Variants in ZNF69 observed in about 807,000 individuals in gnomAD.
ZNF69 encodes the protein ZNF3.
In ZNF69, 47 loss-of-function variants were observed where a neutral mutation model predicts 50.9. The observed-to-expected ratio is 0.92, with a 90% confidence interval of 0.73 to 1.18. ZNF69 has a LOEUF of 1.18. Ranked by LOEUF, ZNF69 falls within the 50% of genes most tolerant of loss-of-function variation. ZNF69 has a pLI of 0.00. For missense variants in ZNF69, 717 were observed against 675.1 expected (o/e 1.06, Z -0.69); for synonymous variants, 216 against 223.1 (o/e 0.97, Z 0.29).
At chr19:11,929,699 T>C in the ZNF69 span, among the ~76,000 whole-genome samples, 4 of 148,146 alleles carry the variant, frequency 2.7e-5, no homozygotes, top group East Asian at 7.7e-4. Flanking sequence ...GGGCAACTGG[T>C]TCCCCCTTAT....
chr19:11,951,482 G>A, the ZNF69 span, among the ~76,000 whole-genome samples: 1 of 151,914 alleles, frequency 6.6e-6, no homozygotes, highest in Non-Finnish European at 1.5e-5. Context: ...GCCCACCTCG[G>A]CTTCCTAAAG....
chr19:11,906,419 C>A lies in ZNF69; in HGVS notation c.*321C>A. ...CTCCAAGTAGCCTAACTGGGAGGCA[C>A]TTCCCAGTAGGGGCCAACTGACACC... is the stretch of plus-strand genomic sequence containing the variant. On this transcript the variant is annotated 3_prime_UTR_variant, in exon 4 of 4. Coordinates refer to ENST00000429654, the MANE Select transcript of ZNF69 (RefSeq NM_001364730.1). 3.9e-6 allele frequency: 1 copy of A among 254,582 alleles called. No homozygotes were observed. The highest frequency in any genetic ancestry group is 6.2e-6 in the Non-Finnish European group (1 of 161,962). The allele number at this position is 254,582 out of a possible 1,614,324, so 15.8% of individuals were successfully genotyped here. A position where few individuals can be genotyped will look rare whatever the true frequency, so the allele number is the denominator to read the frequency against.
the ZNF69 span, chr19:11,964,896 G>C: frequency 2.6e-6 from 1 of 378,472 alleles, no homozygotes; most frequent in Non-Finnish European, 4.9e-6. Context: ...AATCCGTCAA[G>C]TCAGTCTGGC....
At chr19:11,979,452 G>A in the ZNF69 span, 2 of 1,604,904 alleles carry the variant, frequency 1.2e-6, no homozygotes, top group East Asian at 2.2e-5. Flanking sequence ...TCTGGAGAAA[G>A]ACCTTATAAA....
chr19:11,925,123 G>T, the ZNF69 span: 2 of 1,523,362 alleles, frequency 1.3e-6, no homozygotes, highest in South Asian at 1.1e-5. Flanking sequence ...CTTCCTCGCT[G>T]CGCGGGCGGC....
chr19:11,976,822 C>T, the ZNF69 span: 1 of 1,364,840 alleles, frequency 7.3e-7, no homozygotes, highest in Admixed American at 3.2e-5. Context: ...TCATTATACT[C>T]CAGCCTGGGC....
the ZNF69 span, among the ~76,000 whole-genome samples, chr19:11,952,352 A>AT: frequency 2.0e-5 from 3 of 152,136 alleles, no homozygotes; most frequent in East Asian, 1.9e-4. Context: ...ATAAAGCTAT[A>AT]TTTTTTCAAA....
Position 11,905,750 on chromosome 19 carries a change from AG to A in ZNF69, c.1354del (p.Ala452ProfsTer5). On this transcript the variant is annotated frameshift_variant, in exon 4 of 4. Coordinates refer to ENST00000429654, the MANE Select transcript of ZNF69 (RefSeq NM_001364730.1). LOFTEE classifies it high-confidence loss of function. ...CCTATGAATGTCAGGAATGTGGGAA[AG>A]CCTTCAGATCTATGAAGAACCTTCA... ...KPYECQECGKAFRSMKNLQSH... is the reference protein window; with the variant it reads ...KPYECQECGKXFRSMKNLQSH... 1 of 1,613,846 alleles carries A rather than the reference AG, an allele frequency of 6.2e-7. No individual in the cohort carries two copies. Among genetic ancestry groups the A allele is most frequent in the Non-Finnish European group, 8.5e-7 (1 of 1,179,998 alleles).
the ZNF69 span, among the ~76,000 whole-genome samples, chr19:11,929,863 C>T: frequency 1.3e-5 from 2 of 148,578 alleles, no homozygotes; most frequent in African/African-American, 5.2e-5. Flanking sequence ...AAAATCCTTT[C>T]TGCCTCTCCT....
At chr19:11,974,613 G>T in the ZNF69 span, among the ~76,000 whole-genome samples, 3 of 148,004 alleles carry the variant, frequency 2.0e-5, no homozygotes, top group African/African-American at 7.5e-5. Flanking sequence ...TTTTTTGGGC[G>T]GGGGGGTGGG....
the ZNF69 span, chr19:11,978,069 C>T: frequency 2.5e-6 from 4 of 1,581,266 alleles, no homozygotes; most frequent in Admixed American, 6.1e-5. Flanking sequence ...TTGATTAATA[C>T]AAAATTACTC....
At chr19:11,913,403 TTC>T in intron 4 of ZNF69, 1 of 605,456 alleles carries the variant, frequency 1.7e-6, no homozygotes, top group Non-Finnish European at 3.0e-6. Flanking sequence ...CTTTTTTTTT[TTC>T]CAGAAAAAAA....
At chr19:11,946,276 T>C in the ZNF69 span, among the ~76,000 whole-genome samples, 30,798 of 152,088 alleles carry the variant, frequency 0.2, 7,156 homozygotes, top group African/African-American at 0.57. Flanking sequence ...CTCTTGTCTG[T>C]TCTGGGTGGT....
the ZNF69 span, chr19:11,979,217 T>C: frequency 1.2e-6 from 2 of 1,611,682 alleles, no homozygotes; most frequent in African/African-American, 2.7e-5. Context: ...GGTAAAGCCT[T>C]CAATCTTTCC....
intron 1 of ZNF69, among the ~76,000 whole-genome samples, chr19:11,889,873 G>A (rs1045361672): frequency 6.6e-6 from 1 of 152,172 alleles, no homozygotes; most frequent in Non-Finnish European, 1.5e-5. Flanking sequence ...GGTCAGCAGG[G>A]AATCATGTGA....
chr19:11,949,280 A>T, the ZNF69 span: 5 of 1,614,130 alleles, frequency 3.1e-6, no homozygotes, highest in Non-Finnish European at 4.2e-6. Context: ...AAACCCTATG[A>T]GTGTAAGCAG....
downstream of ZNF69, among the ~76,000 whole-genome samples, chr19:11,910,099 G>C (rs1386699127): frequency 1.3e-5 from 2 of 151,930 alleles, no homozygotes; most frequent in South Asian, 4.2e-4. Flanking sequence ...AAATACCTAG[G>C]AATCCAACTT....
In ZNF69 at chr19:11,905,183, C is replaced by G; in HGVS notation, c.786C>G (p.Thr262=). 6.2e-7 allele frequency: 1 copy of G among 1,614,030 alleles called. No homozygotes were observed. Among genetic ancestry groups the G allele is most frequent in the Middle Eastern group, 1.6e-4 (1 of 6,062 alleles). Residue 262 remains threonine (T), a synonymous_variant, in exon 4 of 4, where the codon ACC becomes ACG. Coordinates refer to ENST00000429654, the MANE Select transcript of ZNF69 (RefSeq NM_001364730.1). ...GTAAATCCTTTAGTTATTCTGCTACCCTTCGAATACACGAAAGAACTCACA... is the reference window on the plus strand; with the variant it reads ...GTAAATCCTTTAGTTATTCTGCTACGCTTCGAATACACGAAAGAACTCACA... ...QCGKSFSYSA[T]LRIHERTHTG...
chr19:11,950,086 G>A, the ZNF69 span: 1 of 1,614,200 alleles, frequency 6.2e-7, no homozygotes, highest in South Asian at 1.1e-5. Flanking sequence ...ATTCACATCT[G>A]CCAAGATTCT....
Sources: allele counts gnomAD v4.1 joint callset (sites outside exome capture counted in the v4.1 genomes callset), GRCh38; gene constraint gnomAD v4.1.1; transcripts MANE v1.5; gene names NCBI Gene and HGNC (gene_info 2026-07-23, HGNC 2026-07-21).